BRINP1: variants seen among roughly 807,000 people sequenced by gnomAD.
The protein encoded by BRINP1 is BMP/retinoic acid-inducible neural-specific protein 1.
In BRINP1, 17 loss-of-function variants were observed where a neutral mutation model predicts 72.9. That is an observed-to-expected ratio of 0.23 (90% CI 0.16 to 0.35). BRINP1 has a LOEUF of 0.35. Ranked by LOEUF, BRINP1 falls within the 10% of genes least tolerant of loss-of-function variation. The probability of loss-of-function intolerance (pLI) is 1.00; values close to 1 mark genes in which losing one functional copy is unlikely to be tolerated. For missense variants in BRINP1, 850 were observed against 1,001.6 expected (o/e 0.85, Z 2.04); for synonymous variants, 418 against 378.5 (o/e 1.10, Z -1.21).
At chr9:119,219,906 T>G (rs1830022414) in intron 5 of BRINP1, among the ~76,000 whole-genome samples, 1 of 151,648 alleles carries the variant, frequency 6.6e-6, no homozygotes, top group African/African-American at 2.4e-5. Flanking sequence ...ACAGAAAGAG[T>G]AGTCTAGACA....
chr9:119,244,197 G>C (rs1830289042), intron 3 of BRINP1, among the ~76,000 whole-genome samples: 1 of 152,208 alleles, frequency 6.6e-6, no homozygotes, highest in Admixed American at 6.5e-5. Context: ...GCCAAGGCTT[G>C]AGTTGAGTTC....
intron 5 of BRINP1, among the ~76,000 whole-genome samples, chr9:119,220,251 A>G (rs1242322152): frequency 6.6e-6 from 1 of 152,138 alleles, no homozygotes; most frequent in Non-Finnish European, 1.5e-5. Flanking sequence ...TACTCAAGTA[A>G]CAGAAGAACT....
intron 7 of BRINP1, among the ~76,000 whole-genome samples, chr9:119,170,812 G>A (rs944431990): frequency 7.0e-6 from 1 of 142,794 alleles, no homozygotes; most frequent in Non-Finnish European, 1.5e-5. Context: ...CCAGAAGAGA[G>A]TGGGGGCCAA....
At chr9:119,192,475 G>A (rs1829692689) in intron 7 of BRINP1, among the ~76,000 whole-genome samples, 1 of 151,904 alleles carries the variant, frequency 6.6e-6, no homozygotes, top group Non-Finnish European at 1.5e-5. Flanking sequence ...CATAAAAATG[G>A]CTAACAGGAA....
intron 1 of BRINP1, among the ~76,000 whole-genome samples, chr9:119,360,192 A>C (rs1831615056): frequency 6.6e-6 from 1 of 152,226 alleles, no homozygotes; most frequent in African/African-American, 2.4e-5. Flanking sequence ...CACTTCACCT[A>C]AAAGAACTGT....
intron 7 of BRINP1, among the ~76,000 whole-genome samples, chr9:119,195,655 T>G (rs1232876546): frequency 5.9e-5 from 9 of 152,240 alleles, no homozygotes; most frequent in Admixed American, 3.9e-4. Context: ...AGCACCTTCC[T>G]GCTGTTACTT....
chr9:119,231,299 C>T (rs929820528), intron 5 of BRINP1, among the ~76,000 whole-genome samples: 1 of 152,004 alleles, frequency 6.6e-6, no homozygotes, highest in Non-Finnish European at 1.5e-5. Flanking sequence ...AATATGTGCT[C>T]CTATCTAAGG....
intron 1 of BRINP1, among the ~76,000 whole-genome samples, chr9:119,352,628 G>A (rs564070213): frequency 5.9e-5 from 9 of 152,198 alleles, no homozygotes; most frequent in Middle Eastern, 3.4e-3. Flanking sequence ...GGCTGATCTC[G>A]AACTCCTGAC....
At position 119,246,106 on chromosome 9, in the gene BRINP1, G is replaced by A. The variant is rs567950410; in HGVS notation, c.409+2854C>T. On this transcript the variant is annotated intron_variant, in intron 3 of 7. Transcript: ENST00000265922. Reference sequence around the variant, plus strand: ...ATTTAATTTTTGCAATATGCATGAAGGACTACTATTGTAACTATTTAGGAA... The same window carrying A: ...ATTTAATTTTTGCAATATGCATGAAAGACTACTATTGTAACTATTTAGGAA... 2.6e-5 allele frequency among the ~76,000 whole-genome samples: 4 copies of A among 152,306 alleles called. No homozygotes were observed. In the South Asian group the frequency reaches 8.3e-4, roughly 32 times the overall value.
chr9:119,347,883 C>T (rs1040298724), intron 1 of BRINP1, among the ~76,000 whole-genome samples: 9 of 152,114 alleles, frequency 5.9e-5, no homozygotes, highest in African/African-American at 2.2e-4. Flanking sequence ...TACATTTATC[C>T]AGTCATATGC....
chr9:119,211,788 G>A (rs1829931968), intron 6 of BRINP1, among the ~76,000 whole-genome samples: 2 of 152,172 alleles, frequency 1.3e-5, no homozygotes, highest in Admixed American at 1.3e-4. Context: ...AAATAGAGAA[G>A]CACAGGAGAT....
chr9:119,278,738 A>T (rs1830680009), intron 2 of BRINP1, among the ~76,000 whole-genome samples: 1 of 152,086 alleles, frequency 6.6e-6, no homozygotes, highest in Admixed American at 6.6e-5. Context: ...AAATACAAAA[A>T]TTAGCTGGGC....
intron 2 of BRINP1, among the ~76,000 whole-genome samples, chr9:119,267,862 A>T (rs1056741110): frequency 2.0e-5 from 3 of 152,124 alleles, no homozygotes; most frequent in African/African-American, 7.2e-5. Context: ...CAATATCTAG[A>T]GACTGAAAAG....
chr9:119,330,702 A>G (rs941198477), intron 1 of BRINP1, among the ~76,000 whole-genome samples: 1 of 152,058 alleles, frequency 6.6e-6, no homozygotes, highest in Admixed American at 6.6e-5. Context: ...GACCTTTCAT[A>G]TTTGCCTCTC....
chr9:119,205,400 G>A (rs547065643), intron 7 of BRINP1, among the ~76,000 whole-genome samples: 17 of 152,224 alleles, frequency 1.1e-4, no homozygotes, highest in Admixed American at 1.0e-3. Context: ...TAGGAGAGAC[G>A]GCAACACTGT....
chr9:119,180,098 G>A (rs1829535724), intron 7 of BRINP1, among the ~76,000 whole-genome samples: 1 of 152,198 alleles, frequency 6.6e-6, no homozygotes, highest in Non-Finnish European at 1.5e-5. Flanking sequence ...TGCCTAAGAT[G>A]GGAATACAGT....
At chr9:119,328,875 AAAAC>A (rs1235968097) in intron 1 of BRINP1, among the ~76,000 whole-genome samples, 5 of 152,188 alleles carry the variant, frequency 3.3e-5, no homozygotes, top group Admixed American at 6.5e-5. Flanking sequence ...GGACAAAACA[AAAAC>A]AAACAAACAA....
chr9:119,281,925 T>G (rs1194828384), intron 2 of BRINP1, among the ~76,000 whole-genome samples: 4 of 152,248 alleles, frequency 2.6e-5, no homozygotes, highest in African/African-American at 9.6e-5. Context: ...CTTGTTTTCA[T>G]GTTTTGTTCC....
At chr9:119,274,866 G>A (rs540293353) in intron 2 of BRINP1, among the ~76,000 whole-genome samples, 1 of 152,026 alleles carries the variant, frequency 6.6e-6, no homozygotes, top group South Asian at 2.1e-4. Flanking sequence ...ATAGATATAT[G>A]TGTATATACA....
Sources: allele counts gnomAD v4.1 joint callset (sites outside exome capture counted in the v4.1 genomes callset), GRCh38; gene constraint gnomAD v4.1.1; transcripts MANE v1.5; gene names NCBI Gene and HGNC (gene_info 2026-07-23, HGNC 2026-07-21).